Variants in DLC1 observed in about 807,000 individuals in gnomAD.
The protein encoded by DLC1 is DLC1 Rho GTPase activating protein.
A neutral mutation model predicts 140.3 loss-of-function variants in DLC1; 54 were observed. That is an observed-to-expected ratio of 0.38 (90% CI 0.31 to 0.48). The LOEUF (loss-of-function observed/expected upper bound fraction) is 0.48, where lower values mean the gene tolerates loss of function less well. Ranked by LOEUF, DLC1 falls within the 20% of genes least tolerant of loss-of-function variation. The probability of loss-of-function intolerance (pLI) is 0.96; values close to 1 mark genes in which losing one functional copy is unlikely to be tolerated. For missense variants in DLC1, 2,536 were observed against 1,907.0 expected (o/e 1.33, Z -6.14); for synonymous variants, 986 against 728.1 (o/e 1.35, Z -5.70).
intron 2 of DLC1, among the ~76,000 whole-genome samples, chr8:13,473,007 T>C (rs1338767636): frequency 1.3e-5 from 2 of 151,960 alleles, no homozygotes; most frequent in African/African-American, 4.8e-5. Flanking sequence ...AACTAAGAAG[T>C]TATAGTTGAA....
At chr8:13,338,155 A>G (rs1005130426) in intron 4 of DLC1, among the ~76,000 whole-genome samples, 3 of 152,314 alleles carry the variant, frequency 2.0e-5, no homozygotes, top group East Asian at 1.9e-4. Context: ...TTTTGACCTT[A>G]GATGGGACAC....
intron 1 of DLC1, among the ~76,000 whole-genome samples, chr8:13,586,727 A>G (rs1449706410): frequency 6.6e-6 from 1 of 152,126 alleles, no homozygotes; most frequent in East Asian, 1.9e-4. Context: ...TATGTAGTAC[A>G]ATATCACAAC....
chr8:13,513,945 T>C (rs1441366114), intron 1 of DLC1, among the ~76,000 whole-genome samples: 1 of 152,074 alleles, frequency 6.6e-6, no homozygotes, highest in African/African-American at 2.4e-5. Flanking sequence ...AAAATTAATA[T>C]AAACTAAATT....
intron 1 of DLC1, among the ~76,000 whole-genome samples, chr8:13,573,271 C>G (rs1289859265): frequency 6.6e-6 from 1 of 152,102 alleles, no homozygotes; most frequent in Non-Finnish European, 1.5e-5. Context: ...TTGTTCATTT[C>G]TATTGTATAA....
intron 1 of DLC1, chr8:13,568,178 G>T: frequency 2.1e-6 from 1 of 475,920 alleles, no homozygotes; most frequent in Non-Finnish European, 3.7e-6. Context: ...GATGTTGATG[G>T]TACAGAAGCA....
chr8:13,577,483 G>A (rs542446003), intron 1 of DLC1, among the ~76,000 whole-genome samples: 46 of 152,226 alleles, frequency 3.0e-4, no homozygotes, highest in South Asian at 1.2e-3. Flanking sequence ...CAGATTTTAC[G>A]TATATCTTGG....
intron 5 of DLC1, among the ~76,000 whole-genome samples, chr8:13,120,371 A>AT (rs60492488): frequency 9.9e-5 from 11 of 110,634 alleles, no homozygotes; most frequent in African/African-American, 2.9e-4. Context: ...ATATATATAT[A>AT]AAATGTATAT....
chr8:13,482,309 G>C (rs1800773664), intron 2 of DLC1, among the ~76,000 whole-genome samples: 1 of 151,476 alleles, frequency 6.6e-6, no homozygotes, highest in South Asian at 2.1e-4. Context: ...ATTGGAGACA[G>C]TTAATCATGG....
At position 13,222,270 on chromosome 8, in the gene DLC1, C is replaced by T. The variant is rs537263403; in HGVS notation, c.1348+82999G>A. 9.0e-4 allele frequency among the ~76,000 whole-genome samples: 137 copies of T among 152,188 alleles called. 1 individual carries two copies. Among genetic ancestry groups the T allele is most frequent in the Non-Finnish European group, 1.4e-3 (97 of 68,030 alleles). On this transcript the variant is annotated intron_variant, in intron 5 of 17. Coordinates refer to ENST00000276297, the MANE Select transcript of DLC1 (RefSeq NM_182643.3). Reference sequence around the variant, plus strand: ...GTGAGAAAAGAGATAGAGAAACCCACATTTTCAATTCCTTCAGATTATGGT... The same window carrying T: ...GTGAGAAAAGAGATAGAGAAACCCATATTTTCAATTCCTTCAGATTATGGT...
intron 2 of DLC1, among the ~76,000 whole-genome samples, chr8:13,461,704 C>T (rs1031082281): frequency 6.6e-6 from 1 of 152,136 alleles, no homozygotes; most frequent in Non-Finnish European, 1.5e-5. Context: ...TGTTCCATTC[C>T]CTCTGTCTTT....
intron 1 of DLC1, among the ~76,000 whole-genome samples, chr8:13,537,741 C>A (rs1803335317): frequency 6.6e-6 from 1 of 150,772 alleles, no homozygotes; most frequent in African/African-American, 2.4e-5. Flanking sequence ...GCAAGCTCCG[C>A]CTCCCGGGTT....
At chr8:13,394,648 C>T (rs924704452) in intron 3 of DLC1, among the ~76,000 whole-genome samples, 2 of 152,118 alleles carry the variant, frequency 1.3e-5, no homozygotes, top group Admixed American at 1.3e-4. Context: ...TCTATGTATC[C>T]TCTTTATACA....
At chr8:13,391,522 T>C (rs1243104928) in intron 4 of DLC1, among the ~76,000 whole-genome samples, 1 of 152,130 alleles carries the variant, frequency 6.6e-6, no homozygotes, top group Non-Finnish European at 1.5e-5. Context: ...AAAAAAAAAT[T>C]GAAGAAAGAT....
intron 5 of DLC1, among the ~76,000 whole-genome samples, chr8:13,285,487 A>G (rs1052172823): frequency 6.6e-6 from 1 of 152,224 alleles, no homozygotes; most frequent in Non-Finnish European, 1.5e-5. Flanking sequence ...ACCACATTTT[A>G]ACAAATGGGC....
intron 4 of DLC1, among the ~76,000 whole-genome samples, chr8:13,361,455 C>G (rs1305183786): frequency 6.6e-6 from 1 of 151,802 alleles, no homozygotes. Context: ...TCTTTTGAGA[C>G]AAGTTCCTCT....
intron 5 of DLC1, among the ~76,000 whole-genome samples, chr8:13,260,462 T>C (rs1306915613): frequency 2.6e-5 from 4 of 152,152 alleles, no homozygotes; most frequent in African/African-American, 2.4e-5. Context: ...CTGTAGAAGA[T>C]GAATGGATAG....
chr8:13,092,526 G>A (rs1818157958), intron 13 of DLC1, 86 bp downstream of exon 13: 1 of 1,439,824 alleles, frequency 6.9e-7, no homozygotes, highest in East Asian at 2.5e-5. Context: ...TTTCAGGAAA[G>A]AGTCCCACAA....
At chr8:13,524,015 G>A (rs1258465726) in intron 1 of DLC1, among the ~76,000 whole-genome samples, 1 of 151,668 alleles carries the variant, frequency 6.6e-6, no homozygotes, top group Non-Finnish European at 1.5e-5. Flanking sequence ...TTGGGAGTGT[G>A]ACGCATGTGA....
At chr8:13,293,425 G>C (rs919934667) in intron 5 of DLC1, among the ~76,000 whole-genome samples, 1 of 152,216 alleles carries the variant, frequency 6.6e-6, no homozygotes, top group Non-Finnish European at 1.5e-5. Context: ...TTCTCTGGTG[G>C]AAGAAGGAGA....
Sources: allele counts gnomAD v4.1 joint callset (sites outside exome capture counted in the v4.1 genomes callset), GRCh38; gene constraint gnomAD v4.1.1; transcripts MANE v1.5; gene names NCBI Gene and HGNC (gene_info 2026-07-23, HGNC 2026-07-21).